Variants in FAM185A observed in about 807,000 individuals in gnomAD.
FAM185A encodes family with sequence similarity 185 member A.
A neutral mutation model predicts 45.7 loss-of-function variants in FAM185A; 21 were observed. The observed-to-expected ratio is 0.46, with a 90% CI of 0.33 to 0.66. The LOEUF (loss-of-function observed/expected upper bound fraction) is 0.66, where lower values mean the gene tolerates loss of function less well. Among genes scored for constraint, FAM185A ranks in the 30% least tolerant of loss-of-function variants. The pLI is 0.03. For synonymous variants in FAM185A, 117 were observed against 194.0 expected (o/e 0.60, Z 3.30); for missense variants, 305 against 485.4 (o/e 0.63, Z 3.49).
intron 7 of FAM185A, among the ~76,000 whole-genome samples, chr7:102,805,764 G>A (rs1179784503): frequency 6.6e-6 from 1 of 152,100 alleles, no homozygotes; most frequent in Non-Finnish European, 1.5e-5. Context: ...GATACATGGG[G>A]GCTGCATATT....
chr7:102,821,046 A>G, the FAM185A span, among the ~76,000 whole-genome samples: 1 of 152,220 alleles, frequency 6.6e-6, no homozygotes, highest in Non-Finnish European at 1.5e-5. Context: ...ATATAATCAA[A>G]AAATTAGAAG....
chr7:102,767,593 T>C (rs1280219124), intron 4 of FAM185A, among the ~76,000 whole-genome samples: 1 of 147,134 alleles, frequency 6.8e-6, no homozygotes, highest in Non-Finnish European at 1.5e-5. Flanking sequence ...CCTTGTCCTA[T>C]TGTTCTTTCT....
At chr7:102,835,041 T>TA in the FAM185A span, among the ~76,000 whole-genome samples, 1 of 152,146 alleles carries the variant, frequency 6.6e-6, no homozygotes, top group Non-Finnish European at 1.5e-5. Context: ...CCAATAATAA[T>TA]AAAGATGCAC....
chr7:102,832,716 A>G, the FAM185A span: 125,429 of 1,198,828 alleles, frequency 0.1, 7,348 homozygotes, highest in Middle Eastern at 0.18. Flanking sequence ...GAAGAAAAAA[A>G]TCCAATGAAT....
chr7:102,832,515 T>C, the FAM185A span, among the ~76,000 whole-genome samples: 1 of 152,262 alleles, frequency 6.6e-6, no homozygotes, highest in South Asian at 2.1e-4. Context: ...CATTCTTTCA[T>C]CAGTTCCTAC....
At chr7:102,821,130 G>T in the FAM185A span, among the ~76,000 whole-genome samples, 16 of 152,162 alleles carry the variant, frequency 1.1e-4, no homozygotes, top group Non-Finnish European at 2.2e-4. Flanking sequence ...AATCTAACAA[G>T]TTTGGCAGAG....
chr7:102,843,719 T>C, the FAM185A span, among the ~76,000 whole-genome samples: 9 of 152,238 alleles, frequency 5.9e-5, no homozygotes, highest in African/African-American at 1.4e-4. Context: ...GAGGTTGCAA[T>C]GAGCCAAGAT....
At chr7:102,844,395 A>T in the FAM185A span, among the ~76,000 whole-genome samples, 1 of 152,168 alleles carries the variant, frequency 6.6e-6, no homozygotes, top group Non-Finnish European at 1.5e-5. Flanking sequence ...AGAGAACAAT[A>T]CATCCTTCAA....
the FAM185A span, among the ~76,000 whole-genome samples, chr7:102,831,901 A>G: frequency 6.6e-6 from 1 of 152,210 alleles, no homozygotes; most frequent in Non-Finnish European, 1.5e-5. Context: ...TCAGTCTACT[A>G]TTATTAATCC....
the FAM185A span, among the ~76,000 whole-genome samples, chr7:102,842,894 G>A: frequency 6.6e-6 from 1 of 152,146 alleles, no homozygotes; most frequent in East Asian, 1.9e-4. Context: ...ACATTCCTGG[G>A]TCAGACCAAA....
the FAM185A span, among the ~76,000 whole-genome samples, chr7:102,818,212 G>A: frequency 1.3e-5 from 2 of 152,202 alleles, no homozygotes; most frequent in African/African-American, 2.4e-5. Context: ...AACAGAGCAC[G>A]TGTCTACCCT....
chr7:102,796,197 T>G (rs1796429589), intron 7 of FAM185A, among the ~76,000 whole-genome samples: 1 of 152,116 alleles, frequency 6.6e-6, no homozygotes, highest in Non-Finnish European at 1.5e-5. Context: ...TTGTGTTGAG[T>G]CAGTTCCTGA....
At chr7:102,816,021 G>T in the FAM185A span, among the ~76,000 whole-genome samples, 1 of 152,198 alleles carries the variant, frequency 6.6e-6, no homozygotes, top group African/African-American at 2.4e-5. Flanking sequence ...TGAGCTGCAT[G>T]TTGAACCCCA....
At chr7:102,807,072 AT>A (rs975810748) in intron 7 of FAM185A, among the ~76,000 whole-genome samples, 1 of 152,106 alleles carries the variant, frequency 6.6e-6, no homozygotes, top group Non-Finnish European at 1.5e-5. Flanking sequence ...AAGAAGACGG[AT>A]TTTTTTAAAA....
At chr7:102,844,411 T>C in the FAM185A span, among the ~76,000 whole-genome samples, 1 of 152,074 alleles carries the variant, frequency 6.6e-6, no homozygotes, top group Non-Finnish European at 1.5e-5. Context: ...TTCAAATTAC[T>C]TGTAGGTAGA....
intron 7 of FAM185A, among the ~76,000 whole-genome samples, chr7:102,800,997 C>T (rs1044261155): frequency 1.3e-5 from 2 of 152,046 alleles, no homozygotes; most frequent in Non-Finnish European, 2.9e-5. Flanking sequence ...ACCAGGTAAC[C>T]GATAAAGGAA....
Position 102,767,043 on chromosome 7 carries a change from G to A in FAM185A, c.794-5366G>A, listed in dbSNP as rs571145971. ...ACTCCTGACCTCAGGTGATCCGCAC[G>A]CCTCGGCCTCCCAAAGTGCTGGAAT... On this transcript the variant is annotated intron_variant, in intron 4 of 7. Coordinates refer to ENST00000413034, the MANE Select transcript of FAM185A (RefSeq NM_001145268.2). 2.0e-3 allele frequency among the ~76,000 whole-genome samples: 300 copies of A among 151,956 alleles called. 3 individuals carry two copies. Among genetic ancestry groups the A allele is most frequent in the African/African-American group, 6.9e-3 (286 of 41,470 alleles).
chr7:102,827,199 A>C, the FAM185A span: 7 of 450,344 alleles, frequency 1.6e-5, no homozygotes, highest in Non-Finnish European at 2.7e-5. Context: ...GAAGCAGCTC[A>C]GCTAGCTTGC....
chr7:102,807,249 A>G (rs1022012326), intron 7 of FAM185A, among the ~76,000 whole-genome samples: 10 of 152,078 alleles, frequency 6.6e-5, no homozygotes, highest in Non-Finnish European at 1.5e-4. Context: ...CTACAAAGAA[A>G]TTTTTGGGAG....
Sources: allele counts gnomAD v4.1 joint callset (sites outside exome capture counted in the v4.1 genomes callset), GRCh38; gene constraint gnomAD v4.1.1; transcripts MANE v1.5; gene names NCBI Gene and HGNC (gene_info 2026-07-23, HGNC 2026-07-21).